Variants in ANKS1A observed in about 807,000 individuals in gnomAD.
ANKS1A encodes ankyrin repeat and sterile alpha motif domain containing 1A.
A neutral mutation model predicts 120.3 loss-of-function variants in ANKS1A; 55 were observed. The ratio of observed to expected loss-of-function variants is 0.46; its 90% CI spans 0.37 to 0.57. The LOEUF is 0.57. Among genes scored for constraint, ANKS1A ranks in the 20% least tolerant of loss-of-function variants. The pLI, the probability that ANKS1A is intolerant of heterozygous loss-of-function variation, is 0.00. For missense variants in ANKS1A, 1,123 were observed against 1,480.3 expected (o/e 0.76, Z 3.96); for synonymous variants, 590 against 604.7 (o/e 0.98, Z 0.36).
intron 3 of ANKS1A, among the ~76,000 whole-genome samples, chr6:34,970,524 G>A (rs1033515806): frequency 2.0e-5 from 3 of 152,134 alleles, no homozygotes; most frequent in East Asian, 1.9e-4. Context: ...TATGTAAAAC[G>A]GCAAAGTAAC....
intron 13 of ANKS1A, among the ~76,000 whole-genome samples, chr6:35,062,598 T>G (rs2127592785): frequency 6.6e-6 from 1 of 152,284 alleles, no homozygotes; most frequent in South Asian, 2.1e-4. Flanking sequence ...GTCTGGAAAC[T>G]GAGGCTGTTT....
At chr6:35,039,640 G>A (rs1775356847) in intron 11 of ANKS1A, 2 of 456,584 alleles carry the variant, frequency 4.4e-6, no homozygotes, top group African/African-American at 2.0e-5. Flanking sequence ...TGTTGAAGTG[G>A]GACAGCACAG....
At chr6:35,019,981 A>G (rs954006098) in intron 11 of ANKS1A, among the ~76,000 whole-genome samples, 1 of 152,056 alleles carries the variant, frequency 6.6e-6, no homozygotes, top group Non-Finnish European at 1.5e-5. Flanking sequence ...AGCTGGTGGG[A>G]CGAGGAGAGG....
chr6:34,897,941 A>C (rs965918159), intron 1 of ANKS1A, among the ~76,000 whole-genome samples: 1 of 152,048 alleles, frequency 6.6e-6, no homozygotes, highest in Non-Finnish European at 1.5e-5. Context: ...TTCTGACCCA[A>C]CTCTGCCTTG....
Position 35,050,017 on chromosome 6 carries a change from G to A in ANKS1A, c.2011-4082G>A, listed in dbSNP as rs1775896164. 6.6e-6 allele frequency among the ~76,000 whole-genome samples: 1 copy of A among 152,182 alleles called. No individual in the cohort carries two copies. The highest frequency in any genetic ancestry group is 1.5e-5 in the Non-Finnish European group (1 of 68,042). On this transcript the variant is annotated intron_variant, in intron 11 of 23. Transcript: ENST00000360359. This position sits in a 1 kb window ranked among gnomAD's most constrained non-coding sequence, Gnocchi z 4.3. ...CATCTGCGTGGCTCTGCCGCCTGGT[G>A]ATGGGGGATGGAGACCTCTCCATAC...
rs1382981849 is a variant in ANKS1A, at chr6:35,086,336, C to G, written c.3303+400C>G. On this transcript the variant is annotated intron_variant, in intron 22 of 23. Coordinates refer to ENST00000360359, the MANE Select transcript of ANKS1A (RefSeq NM_015245.3). The surrounding 1 kb of genome is among the most constrained non-coding windows in gnomAD (Gnocchi z 5.1). The stretch of plus-strand genomic sequence containing the variant: ...CTGCACCACCCACCGTCCTTCCTAC[C>G]TACCGCTGCCATCTGTTAGTCCTGG... 7.7e-7 allele frequency: 1 copy of G among 1,300,664 alleles called. No individual in the cohort carries two copies. Among genetic ancestry groups the G allele is most frequent in the Non-Finnish European group, 1.0e-6 (1 of 996,590 alleles). 80.6% of individuals were successfully genotyped at this position (1,300,664 alleles called of 1,614,324 possible).
At position 35,084,898 on chromosome 6, in the gene ANKS1A, C is replaced by T. The variant is rs1455084486; in HGVS notation, c.3132+640C>T. 6.6e-6 allele frequency among the ~76,000 whole-genome samples: 1 copy of T among 152,200 alleles called. No homozygotes were observed. ...ACTGACAGCCCACAGGCGGGGGTTCCCTCTAACCTGCAACAAAGCATGAGA... is the reference window on the plus strand; with the variant it reads ...ACTGACAGCCCACAGGCGGGGGTTCTCTCTAACCTGCAACAAAGCATGAGA... On this transcript the variant is annotated intron_variant, in intron 21 of 23. Transcript: ENST00000360359. The surrounding 1 kb of genome is among the most constrained non-coding windows in gnomAD (Gnocchi z 4.8).
intron 13 of ANKS1A, among the ~76,000 whole-genome samples, chr6:35,073,120 G>A (rs1777160062): frequency 6.6e-6 from 1 of 152,220 alleles, no homozygotes; most frequent in African/African-American, 2.4e-5. Context: ...GAAGCCCCTA[G>A]CACAGTGCTG....
intron 10 of ANKS1A, among the ~76,000 whole-genome samples, chr6:34,999,495 A>G (rs1192211796): frequency 6.6e-6 from 1 of 152,192 alleles, no homozygotes; most frequent in Non-Finnish European, 1.5e-5. Flanking sequence ...TCAAAGAAGC[A>G]TGGGTCAGGA....
intron 11 of ANKS1A, among the ~76,000 whole-genome samples, chr6:35,032,798 T>C (rs910428653): frequency 6.6e-6 from 1 of 152,250 alleles, no homozygotes; most frequent in African/African-American, 2.4e-5. Context: ...TGAGAGATTC[T>C]AAAGCATATT....
At chr6:35,009,302 T>C (rs978989265) in intron 10 of ANKS1A, among the ~76,000 whole-genome samples, 1 of 151,868 alleles carries the variant, frequency 6.6e-6, no homozygotes, top group Non-Finnish European at 1.5e-5. Context: ...GAAGCAGAAT[T>C]AACAGGACCA....
chr6:34,928,878 G>A (rs1768840462), intron 1 of ANKS1A, among the ~76,000 whole-genome samples: 2 of 152,204 alleles, frequency 1.3e-5, no homozygotes, highest in South Asian at 2.1e-4. Flanking sequence ...AAAGTCACAT[G>A]GTAACATAAG....
rs562689262 is a variant in ANKS1A at position 35,062,928 on chromosome 6, A to G, written c.2184+2675A>G. ...GCTTCTGTCTCTTGGTCCCAGGTTT[A>G]CGTTTTGGGACCACACAGAACATGT... On this transcript the variant is annotated intron_variant, in intron 13 of 23. Coordinates refer to ENST00000360359, the MANE Select transcript of ANKS1A (RefSeq NM_015245.3). 4.6e-5 allele frequency among the ~76,000 whole-genome samples: 7 copies of G among 152,260 alleles called. No homozygotes were observed. In the South Asian group the frequency reaches 1.5e-3, roughly 32 times the overall value.
Position 34,985,418 on chromosome 6 carries a change from C to T in ANKS1A, c.1209+140C>T, listed in dbSNP as rs990397013. ...CCTGGAGCCCACTTATTCTCTTCTT[C>T]ATGGGGCTCTGCTGGGTCTCTCTTG... On this transcript the variant is annotated intron_variant, in intron 8 of 23. Transcript: ENST00000360359. The T allele has an allele frequency of 1.4e-5, 11 of 761,260 alleles. No homozygotes were observed. The African/African-American group carries it at 1.8e-4, about 12-fold the overall frequency. The allele number at this position is 761,260 out of a possible 1,614,324, so 47.2% of individuals were successfully genotyped here.
At chr6:35,080,899 T>C in intron 16 of ANKS1A, 95 bp from the exon 17 acceptor site, 3 of 1,455,966 alleles carry the variant, frequency 2.1e-6, no homozygotes, top group Non-Finnish European at 1.9e-6. Flanking sequence ...CCGGTGCCGC[T>C]GCCTGTGCCG....
At chr6:34,983,896 A>G (rs1055229979) in intron 7 of ANKS1A, among the ~76,000 whole-genome samples, 5 of 149,728 alleles carry the variant, frequency 3.3e-5, no homozygotes, top group African/African-American at 1.2e-4. Flanking sequence ...GGTTCAAATG[A>G]TTCTCCTGCC....
At chr6:34,900,953 C>T (rs973432170) in intron 1 of ANKS1A, among the ~76,000 whole-genome samples, 1 of 152,076 alleles carries the variant, frequency 6.6e-6, no homozygotes, top group Non-Finnish European at 1.5e-5. Flanking sequence ...GGGGGACTTC[C>T]CTATAGCTCC....
At chr6:35,018,496 G>A (rs1042233198) in intron 11 of ANKS1A, among the ~76,000 whole-genome samples, 2 of 152,164 alleles carry the variant, frequency 1.3e-5, no homozygotes, top group Non-Finnish European at 1.5e-5. Context: ...GGGTAAGTCT[G>A]GGGGGAAAGC....
intron 11 of ANKS1A, among the ~76,000 whole-genome samples, chr6:35,037,146 G>C (rs1775216032): frequency 6.6e-6 from 1 of 152,178 alleles, no homozygotes; most frequent in Non-Finnish European, 1.5e-5. Context: ...TCGTGCCATT[G>C]GTAATTAGGC....
Sources: gnomAD v4.1 joint callset for allele counts (sites outside exome capture counted in the v4.1 genomes callset) on GRCh38, gnomAD v4.1.1 for gene constraint, Gnocchi (gnomAD v3.1) non-coding constraint, MANE v1.5 for transcripts, NCBI Gene and HGNC (gene_info 2026-07-23, HGNC 2026-07-21) for gene names.